SP4: variants seen among roughly 807,000 people sequenced by gnomAD.
The protein encoded by SP4 is transcription factor Sp4.
In SP4, 19 loss-of-function variants were observed where a neutral mutation model predicts 72.8. That is an observed-to-expected ratio of 0.26 (90% CI 0.18 to 0.38). The LOEUF (loss-of-function observed/expected upper bound fraction) is 0.38, where lower values mean the gene tolerates loss of function less well. Among genes scored for constraint, SP4 ranks in the 10% least tolerant of loss-of-function variants. The probability of loss-of-function intolerance (pLI) is 1.00; values close to 1 mark genes in which losing one functional copy is unlikely to be tolerated. For synonymous variants in SP4, 395 were observed against 333.1 expected (o/e 1.19, Z -2.02); for missense variants, 1,008 against 926.3 (o/e 1.09, Z -1.14).
intron 5 of SP4, among the ~76,000 whole-genome samples, chr7:21,490,635 T>G (rs1427744733): frequency 6.6e-6 from 1 of 152,160 alleles, no homozygotes; most frequent in Non-Finnish European, 1.5e-5. Context: ...AGGGGAAATT[T>G]TGAGAGCGAT....
At chr7:21,452,823 C>T (rs994167939) in intron 3 of SP4, among the ~76,000 whole-genome samples, 1 of 150,184 alleles carries the variant, frequency 6.7e-6, no homozygotes, top group Admixed American at 6.6e-5. Context: ...CACTCTGTCA[C>T]CCAGGCTGGA....
At chr7:21,428,443 A>G (rs1347161626) in intron 1 of SP4, among the ~76,000 whole-genome samples, 185 bp downstream of exon 1, 5 of 152,090 alleles carry the variant, frequency 3.3e-5, no homozygotes, top group Non-Finnish European at 7.4e-5. Flanking sequence ...GAGAGAGAAC[A>G]ACCTCCTTCT....
chr7:21,479,680 C>G (rs1272070740), intron 4 of SP4, among the ~76,000 whole-genome samples: 1 of 152,168 alleles, frequency 6.6e-6, no homozygotes, highest in Non-Finnish European at 1.5e-5. Context: ...AGATGGTATT[C>G]TGATGGAAAT....
At chr7:21,447,999 C>G (rs994668634) in intron 3 of SP4, among the ~76,000 whole-genome samples, 3 of 152,158 alleles carry the variant, frequency 2.0e-5, no homozygotes, top group Admixed American at 1.3e-4. Context: ...GAAAGTACTT[C>G]TTTACATAAT....
chr7:21,436,598 C>T (rs1270045831), intron 3 of SP4, among the ~76,000 whole-genome samples: 13 of 152,104 alleles, frequency 8.5e-5, no homozygotes, highest in Admixed American at 6.5e-5. Flanking sequence ...TTGACAGTAA[C>T]GGGGGAACCT....
rs1782209950 is a variant in SP4, at chr7:21,514,080, G to A, written c.*2811G>A. 6.6e-6 allele frequency: 1 copy of A among 152,540 alleles called. No individual in the cohort carries two copies. Among genetic ancestry groups the A allele is most frequent in the African/African-American group, 2.4e-5 (1 of 41,422 alleles). The allele number at this position is 152,540 out of a possible 1,614,324, so 9.4% of individuals were successfully genotyped here. Reference sequence around the variant, plus strand: ...ATTGTAATTATCAGTGCAAAGCTATGTATTTATCATGGTAAAACTCCAGTG... The same window carrying A: ...ATTGTAATTATCAGTGCAAAGCTATATATTTATCATGGTAAAACTCCAGTG... On this transcript the variant is annotated 3_prime_UTR_variant, in exon 6 of 6. Coordinates refer to ENST00000222584, the MANE Select transcript of SP4 (RefSeq NM_003112.5).
intron 3 of SP4, among the ~76,000 whole-genome samples, chr7:21,438,083 G>A (rs1195641591): frequency 2.0e-5 from 3 of 151,064 alleles, no homozygotes; most frequent in African/African-American, 7.3e-5. Flanking sequence ...CACAAAGACA[G>A]ACTAGAGTTA....
At chr7:21,450,050 G>A (rs912635817) in intron 3 of SP4, among the ~76,000 whole-genome samples, 1 of 151,920 alleles carries the variant, frequency 6.6e-6, no homozygotes, top group Admixed American at 6.6e-5. Context: ...ATAGATCCCA[G>A]AGACTTATTT....
At position 21,429,325 on chromosome 7, in the gene SP4, A is replaced by G; in HGVS notation, c.160A>G (p.Thr54Ala). ...CTCTCCTCTGGCTTTACTGGCAGCT[A>G]CTTGCAGCAAAATAGGGACTCCTGG... ...QPSPLALLAA[T>A]CSKIGTPGEN... is the part of the protein sequence containing the mutation. Residue 54 changes from threonine to alanine, a missense_variant, in exon 3 of 6, where the codon ACT becomes GCT. Thr to Ala is a moderately conservative substitution (Grantham distance 58). Transcript: ENST00000222584. The G allele has an allele frequency of 6.3e-7, 1 of 1,599,004 alleles. No homozygotes were observed. The highest frequency in any genetic ancestry group is 8.5e-7 in the Non-Finnish European group (1 of 1,171,834).
chr7:21,449,124 C>T (rs903191416), intron 3 of SP4, among the ~76,000 whole-genome samples: 4 of 152,176 alleles, frequency 2.6e-5, no homozygotes, highest in Non-Finnish European at 5.9e-5. Context: ...CCCCCCAGGG[C>T]GAGGTACCAA....
Position 21,429,531 on chromosome 7 carries a change from T to C in SP4, c.366T>C (p.Ser122=). ...AGAATAACGTTTCTCAACCAGCCTC[T>C]AGTTCGTCTAGTTCTTCCAGCAGTA... The part of the protein sequence containing the change: ...SKENNVSQPA[S]SSSSSSSSNN... Residue 122 remains serine, a synonymous_variant, in exon 3 of 6, where the codon TCT becomes TCC. Transcript: ENST00000222584. 1.2e-6 allele frequency: 2 copies of C among 1,614,058 alleles called. No individual in the cohort carries two copies. The highest frequency in any genetic ancestry group is 1.7e-6 in the Non-Finnish European group (2 of 1,179,912).
At chr7:21,442,003 TG>T (rs1783261832) in intron 3 of SP4, among the ~76,000 whole-genome samples, 2 of 91,494 alleles carry the variant, frequency 2.2e-5, no homozygotes, top group Admixed American at 2.0e-4. Context: ...TGTGTGTGTG[TG>T]TTTGTGTGTG....
chr7:21,434,468 G>T (rs1233030189), intron 3 of SP4, among the ~76,000 whole-genome samples: 1 of 152,184 alleles, frequency 6.6e-6, no homozygotes, highest in African/African-American at 2.4e-5. Flanking sequence ...ATGTGTTTCT[G>T]TGCTTTGGTC....
At chr7:21,434,694 G>C (rs1782988254) in intron 3 of SP4, among the ~76,000 whole-genome samples, 1 of 140,220 alleles carries the variant, frequency 7.1e-6, no homozygotes, top group East Asian at 2.0e-4. Context: ...TGGGATTTTA[G>C]TGTACCCATC....
rs990150984 is a variant in SP4 at position 21,512,871 on chromosome 7, G to A, written c.*1602G>A. 1 of 152,470 alleles carries A rather than the reference G, an allele frequency of 6.6e-6. No individual in the cohort carries two copies. Among genetic ancestry groups the A allele is most frequent in the Admixed American group, 6.6e-5 (1 of 15,258 alleles). The allele number at this position is 152,470 out of a possible 1,614,324, so 9.4% of individuals were successfully genotyped here. The stretch of plus-strand genomic sequence containing the variant: ...AGCCACCATGCCCGGCTAGGAAAGG[G>A]TCTTACTAGGAAAGATGGCCAAAAG... On this transcript the variant is annotated 3_prime_UTR_variant, in exon 6 of 6. Transcript: ENST00000222584.
At chr7:21,438,434 T>A (rs1455256028) in intron 3 of SP4, among the ~76,000 whole-genome samples, 1 of 152,200 alleles carries the variant, frequency 6.6e-6, no homozygotes, top group Non-Finnish European at 1.5e-5. Flanking sequence ...TGAATTCTAT[T>A]AAGCAATAAA....
At chr7:21,467,704 C>T (rs764312598) in intron 3 of SP4, among the ~76,000 whole-genome samples, 56 of 152,220 alleles carry the variant, frequency 3.7e-4, no homozygotes, top group Non-Finnish European at 4.1e-4. Flanking sequence ...TTTTCTTAGG[C>T]AGATTCCAAG....
At chr7:21,489,022 C>T (rs1167561827) in intron 5 of SP4, among the ~76,000 whole-genome samples, 1 of 152,102 alleles carries the variant, frequency 6.6e-6, no homozygotes, top group Non-Finnish European at 1.5e-5. Flanking sequence ...AACCAGATCT[C>T]AAATTCTTTT....
chr7:21,448,973 A>G (rs187285519), intron 3 of SP4, among the ~76,000 whole-genome samples: 53 of 152,162 alleles, frequency 3.5e-4, no homozygotes, highest in African/African-American at 1.2e-3. Context: ...TGGAAGGACT[A>G]CCTCTTCCGG....
Sources: gnomAD v4.1 joint callset for allele counts (sites outside exome capture counted in the v4.1 genomes callset) on GRCh38, gnomAD v4.1.1 for gene constraint, MANE v1.5 for transcripts, NCBI Gene and HGNC (gene_info 2026-07-23, HGNC 2026-07-21) for gene names.